Variants in NDST4 observed in about 807,000 individuals in gnomAD.
The protein encoded by NDST4 is N-heparan sulfate sulfotransferase 4.
Under a neutral mutation model 100.8 loss-of-function variants are expected in NDST4, and 63 were observed. The observed-to-expected ratio is 0.62, with a 90% CI of 0.51 to 0.77. The LOEUF is 0.77. NDST4 is among the 30% of genes least tolerant of loss of function. NDST4 has a pLI of 0.00. For missense variants in NDST4, 943 were observed against 1,018.4 expected, an observed-to-expected ratio of 0.93 and a Z score of 1.01; for synonymous variants, 377 against 361.8, an observed-to-expected ratio of 1.04 and a Z score of -0.48.
intron 6 of NDST4, among the ~76,000 whole-genome samples, chr4:114,886,593 A>G (rs1724483340): frequency 6.6e-6 from 1 of 152,118 alleles, no homozygotes; most frequent in Non-Finnish European, 1.5e-5. Flanking sequence ...AGTATTTTCT[A>G]ATTTGTGAAA....
chr4:114,873,985 G>A (rs1339413493), intron 6 of NDST4, among the ~76,000 whole-genome samples: 1 of 152,096 alleles, frequency 6.6e-6, no homozygotes, highest in Non-Finnish European at 1.5e-5. Context: ...TAAGTATGCA[G>A]TTCTGTGGCA....
intron 2 of NDST4, among the ~76,000 whole-genome samples, chr4:115,041,071 G>T (rs1728338558): frequency 1.3e-5 from 2 of 151,992 alleles, no homozygotes. Context: ...GCTATTAAAT[G>T]AAGAAATAAT....
At chr4:115,023,546 C>T (rs1727908496) in intron 2 of NDST4, among the ~76,000 whole-genome samples, 1 of 150,610 alleles carries the variant, frequency 6.6e-6, no homozygotes, top group African/African-American at 2.4e-5. Context: ...CCCCAATAAC[C>T]TATGGAAATA....
intron 2 of NDST4, among the ~76,000 whole-genome samples, chr4:114,984,479 T>C (rs1726855520): frequency 6.6e-6 from 1 of 152,124 alleles, no homozygotes; most frequent in Non-Finnish European, 1.5e-5. Flanking sequence ...TAATACAGTC[T>C]TATATTTTCA....
intron 2 of NDST4, among the ~76,000 whole-genome samples, chr4:115,052,894 C>T (rs76959348): frequency 0.014 from 2,065 of 152,168 alleles, 23 homozygotes; most frequent in African/African-American, 0.03. Flanking sequence ...TACGAAAAAA[C>T]AGTAGTCACT....
intron 4 of NDST4, among the ~76,000 whole-genome samples, chr4:114,969,811 C>G (rs1726469188): frequency 6.6e-6 from 1 of 152,110 alleles, no homozygotes; most frequent in South Asian, 2.1e-4. Flanking sequence ...AGCATTTATA[C>G]TTCTTTGGCA....
chr4:114,952,634 TTATGTTG>T (rs1369184604), intron 4 of NDST4, among the ~76,000 whole-genome samples: 1 of 152,130 alleles, frequency 6.6e-6, no homozygotes, highest in Non-Finnish European at 1.5e-5. Flanking sequence ...ATGCTATCCT[TTATGTTG>T]TAAGTTTGGT....
chr4:114,948,278 C>T (rs1725913355), intron 4 of NDST4, among the ~76,000 whole-genome samples: 1 of 151,464 alleles, frequency 6.6e-6, no homozygotes, highest in African/African-American at 2.4e-5. Flanking sequence ...CTTCCCTCCC[C>T]CACCCCCCAA....
At chr4:115,040,235 A>C (rs2126273757) in intron 2 of NDST4, among the ~76,000 whole-genome samples, 1 of 151,102 alleles carries the variant, frequency 6.6e-6, no homozygotes, top group African/African-American at 2.4e-5. Flanking sequence ...ATTAAAAATA[A>C]AATATACAAT....
chr4:115,063,494 A>G lies in NDST4; in HGVS notation c.978+12565T>C, dbSNP rs1433836958. Among the ~76,000 whole-genome samples, 3 of 151,942 alleles carry G rather than the reference A, an allele frequency of 2.0e-5. No homozygotes were observed. The East Asian group carries it at 5.8e-4, about 29-fold the overall frequency. On this transcript the variant is annotated intron_variant, in intron 2 of 13. Coordinates refer to ENST00000264363, the MANE Select transcript of NDST4 (RefSeq NM_022569.3). Reference sequence around the variant, plus strand: ...ATTTCAGGGCACCATGTGTATTTCTATAAGGAGCATGAAAATAGCAAATTT... The same window carrying G: ...ATTTCAGGGCACCATGTGTATTTCTGTAAGGAGCATGAAAATAGCAAATTT...
intron 6 of NDST4, among the ~76,000 whole-genome samples, chr4:114,910,511 C>G (rs963710216): frequency 6.6e-6 from 1 of 152,114 alleles, no homozygotes; most frequent in Non-Finnish European, 1.5e-5. Flanking sequence ...AAATTACTAA[C>G]AAGAAATAGC....
chr4:115,017,833 T>C lies in NDST4; in HGVS notation c.979-40559A>G, dbSNP rs564502149. On this transcript the variant is annotated intron_variant, in intron 2 of 13. Transcript: ENST00000264363. ...CATAATTGGATCATATGCTGCCCAG[T>C]GCCCAACCACATAGCCTGCTCCTGA... Among the ~76,000 whole-genome samples the C allele has an allele frequency of 1.8e-4, 27 of 152,068 alleles. No homozygotes were observed. In the South Asian group the frequency reaches 5.0e-3, roughly 28 times the overall value.
intron 4 of NDST4, among the ~76,000 whole-genome samples, chr4:114,952,030 T>A (rs180703557): frequency 6.6e-6 from 1 of 152,308 alleles, no homozygotes; most frequent in African/African-American, 2.4e-5. Flanking sequence ...ACCTATGTTA[T>A]AATTTTCATG....
intron 4 of NDST4, among the ~76,000 whole-genome samples, chr4:114,947,972 A>G (rs1725902868): frequency 1.3e-5 from 2 of 152,080 alleles, no homozygotes; most frequent in African/African-American, 4.8e-5. Flanking sequence ...GAAGCTGTCT[A>G]CCGTGTGCTT....
chr4:114,935,139 A>G, intron 6 of NDST4, 67 bp downstream of exon 6: 1 of 1,241,418 alleles, frequency 8.1e-7, no homozygotes, highest in Non-Finnish European at 1.1e-6. Context: ...TTAGTTTAAA[A>G]GACAGGAAAA....
intron 6 of NDST4, among the ~76,000 whole-genome samples, chr4:114,904,738 T>C (rs1247839355): frequency 6.6e-6 from 1 of 151,902 alleles, no homozygotes; most frequent in African/African-American, 2.4e-5. Context: ...CAATTGTTAA[T>C]AGCAATAATA....
chr4:114,934,059 A>T (rs1368714427), intron 6 of NDST4, among the ~76,000 whole-genome samples: 1 of 152,218 alleles, frequency 6.6e-6, no homozygotes, highest in Non-Finnish European at 1.5e-5. Flanking sequence ...TTGCAGCATT[A>T]TTCACAGTAG....
intron 12 of NDST4, among the ~76,000 whole-genome samples, chr4:114,833,381 AAAG>A (rs1723242675): frequency 6.6e-6 from 1 of 152,120 alleles, no homozygotes; most frequent in South Asian, 2.1e-4. Flanking sequence ...AAACTCACAA[AAAG>A]AAGAATTTGC....
At chr4:114,889,684 GT>G (rs1223819201) in intron 6 of NDST4, among the ~76,000 whole-genome samples, 1 of 152,188 alleles carries the variant, frequency 6.6e-6, no homozygotes, top group East Asian at 1.9e-4. Flanking sequence ...ATTATGGGCT[GT>G]CTTCAAATAA....
Sources: allele counts gnomAD v4.1 joint callset (sites outside exome capture counted in the v4.1 genomes callset), GRCh38; gene constraint gnomAD v4.1.1; transcripts MANE v1.5; gene names NCBI Gene and HGNC (gene_info 2026-07-23, HGNC 2026-07-21).